LEPR: variants seen among roughly 807,000 people sequenced by gnomAD.
LEPR encodes the protein OB receptor.
In LEPR, 56 loss-of-function variants were observed where a neutral mutation model predicts 114.7. That is an observed-to-expected ratio of 0.49 (90% confidence interval 0.39 to 0.61). The LOEUF is 0.61. LEPR is among the 20% of genes least tolerant of loss of function. The pLI is 0.00. For missense variants in LEPR, 1,202 were observed against 1,352.9 expected (o/e 0.89, Z 1.75); for synonymous variants, 443 against 461.4 (o/e 0.96, Z 0.51).
At chr1:65,529,445 T>C (rs1650223934) in intron 2 of LEPR, among the ~76,000 whole-genome samples, 1 of 150,276 alleles carries the variant, frequency 6.7e-6, no homozygotes, top group African/African-American at 2.5e-5. Context: ...TGCTTGAACC[T>C]GGGAGACGGA....
At chr1:65,449,074 A>G (rs1385802935) in intron 2 of LEPR, among the ~76,000 whole-genome samples, 1 of 152,106 alleles carries the variant, frequency 6.6e-6, no homozygotes, top group Non-Finnish European at 1.5e-5. Flanking sequence ...TTGTATTTTT[A>G]GTAGAGCTAG....
At chr1:65,528,496 A>C (rs914221863) in intron 2 of LEPR, among the ~76,000 whole-genome samples, 7 of 152,044 alleles carry the variant, frequency 4.6e-5, no homozygotes, top group African/African-American at 1.7e-4. Flanking sequence ...ACTTTTTGTG[A>C]CTTAATAGTG....
At chr1:65,559,881 G>C (rs1264405991) in intron 2 of LEPR, among the ~76,000 whole-genome samples, 1 of 135,722 alleles carries the variant, frequency 7.4e-6, no homozygotes, top group Non-Finnish European at 1.6e-5. Context: ...CATTATTTCT[G>C]AGGGCTCTGT....
At chr1:65,503,591 G>A (rs1400158374) in intron 2 of LEPR, among the ~76,000 whole-genome samples, 1 of 152,092 alleles carries the variant, frequency 6.6e-6, no homozygotes, top group South Asian at 2.1e-4. Context: ...TTAAGTAAAT[G>A]GAATGTGGAT....
chr1:65,590,039 C>G (rs555826820), intron 5 of LEPR, among the ~76,000 whole-genome samples: 30 of 151,930 alleles, frequency 2.0e-4, no homozygotes, highest in African/African-American at 4.8e-4. Flanking sequence ...CATATTGAGT[C>G]TTCTGACCCA....
At chr1:65,536,522 C>T (rs1052044889) in intron 2 of LEPR, among the ~76,000 whole-genome samples, 9 of 152,046 alleles carry the variant, frequency 5.9e-5, no homozygotes, top group Non-Finnish European at 1.2e-4. Flanking sequence ...AAAAGCTCTG[C>T]GTATTTAACT....
chr1:65,631,734 A>T (rs990187718), intron 19 of LEPR, among the ~76,000 whole-genome samples: 1 of 152,200 alleles, frequency 6.6e-6, no homozygotes, highest in African/African-American at 2.4e-5. Flanking sequence ...ATGATAACTC[A>T]TTAGCCTTGC....
At chr1:65,613,708 G>A (rs1657329626) in intron 14 of LEPR, among the ~76,000 whole-genome samples, 1 of 58,198 alleles carries the variant, frequency 1.7e-5, no homozygotes, top group Non-Finnish European at 3.1e-5. Context: ...AGCCGAGATT[G>A]CGCCATTGCA....
chr1:65,634,454 T>G, intron 19 of LEPR: 1 of 963,800 alleles, frequency 1.0e-6, no homozygotes, highest in Non-Finnish European at 1.2e-6. Context: ...TAAAAAAAGA[T>G]GCATATAGTG....
intron 2 of LEPR, among the ~76,000 whole-genome samples, chr1:65,522,793 G>C (rs1259289289): frequency 1.3e-5 from 2 of 151,010 alleles, no homozygotes; most frequent in Non-Finnish European, 2.9e-5. Context: ...GAGAAGATAG[G>C]TGATCTCATT....
At chr1:65,610,391 C>A in intron 14 of LEPR, 95 bp downstream of exon 14, 1 of 1,025,558 alleles carries the variant, frequency 9.8e-7, no homozygotes, top group Non-Finnish European at 1.4e-6. Flanking sequence ...CTTCGGAAAG[C>A]TCAACAATCC....
At chr1:65,605,326 G>A in intron 11 of LEPR, 89 bp downstream of exon 11, 1 of 1,521,142 alleles carries the variant, frequency 6.6e-7, no homozygotes, top group Non-Finnish European at 9.1e-7. Flanking sequence ...GCCATTTTCT[G>A]ATCACATTAG....
intron 2 of LEPR, chr1:65,526,288 C>A: frequency 3.0e-6 from 3 of 985,284 alleles, no homozygotes; most frequent in Non-Finnish European, 2.4e-6. Context: ...TTTTGTTTCC[C>A]ACCTCCCCCC....
chr1:65,641,001 C>T lies in LEPR; in HGVS notation c.*3986C>T, dbSNP rs112170610. The T allele has an allele frequency of 0.056, 8,489 of 152,144 alleles. 536 individuals carry two copies. The highest frequency in any genetic ancestry group is 0.21 in the South Asian group (988 of 4,814). The allele number at this position is 152,144 out of a possible 1,614,324, so 9.4% of individuals were successfully genotyped here. The stretch of plus-strand genomic sequence containing the variant: ...CTGTTGGCCAGGCTGGTCTTGAACT[C>T]CTGACCTCAAGTGATCCGCCCTCAT... On this transcript the variant is annotated 3_prime_UTR_variant, in exon 20 of 20. Transcript: ENST00000349533.
chr1:65,500,181 G>A (rs1332933142), intron 2 of LEPR, among the ~76,000 whole-genome samples: 1 of 151,986 alleles, frequency 6.6e-6, no homozygotes, highest in Non-Finnish European at 1.5e-5. Context: ...GGCCTCCTCA[G>A]CCATGTGGAA....
At chr1:65,605,503 T>C (rs1656750493) in intron 11 of LEPR, among the ~76,000 whole-genome samples, 1 of 152,298 alleles carries the variant, frequency 6.6e-6, no homozygotes, top group East Asian at 1.9e-4. Flanking sequence ...TATGAATGAA[T>C]TTTAGTAGTG....
intron 6 of LEPR, among the ~76,000 whole-genome samples, chr1:65,594,276 A>G (rs1191073474): frequency 6.6e-6 from 1 of 152,062 alleles, no homozygotes; most frequent in Non-Finnish European, 1.5e-5. Context: ...GATACAATGA[A>G]CTTGGTAATT....
intron 2 of LEPR, among the ~76,000 whole-genome samples, chr1:65,464,970 T>A (rs1646991572): frequency 6.6e-6 from 1 of 152,146 alleles, no homozygotes; most frequent in African/African-American, 2.4e-5. Context: ...ATTTCAAAAA[T>A]CCAACTCCTG....
intron 2 of LEPR, among the ~76,000 whole-genome samples, chr1:65,522,846 T>C (rs1450785211): frequency 6.6e-6 from 1 of 152,058 alleles, no homozygotes; most frequent in Non-Finnish European, 1.5e-5. Flanking sequence ...GGGTTTTTTT[T>C]TTTTCCTTCT....
Sources: gnomAD v4.1 joint callset for allele counts (sites outside exome capture counted in the v4.1 genomes callset) on GRCh38, gnomAD v4.1.1 for gene constraint, MANE v1.5 for transcripts, NCBI Gene and HGNC (gene_info 2026-07-23, HGNC 2026-07-21) for gene names.